Variants in NYAP2 observed in about 807,000 individuals in gnomAD.
NYAP2 encodes neuronal tyrosine-phosphorylated phosphoinositide-3-kinase adaptor 2.
Under a neutral mutation model 50.4 loss-of-function variants are expected in NYAP2, and 23 were observed. The ratio of observed to expected loss-of-function variants is 0.46; its 90% CI spans 0.33 to 0.65. The LOEUF is 0.65. NYAP2 is among the 30% of genes least tolerant of loss of function. The pLI is 0.02. For synonymous variants in NYAP2, 394 were observed against 365.2 expected, an observed-to-expected ratio of 1.08 and a Z score of -0.90; for missense variants, 885 against 861.0, an observed-to-expected ratio of 1.03 and a Z score of -0.35.
chr2:225,683,523 A>T, the NYAP2 span, among the ~76,000 whole-genome samples: 1 of 152,120 alleles, frequency 6.6e-6, no homozygotes, highest in Non-Finnish European at 1.5e-5. Flanking sequence ...TATTATCTTA[A>T]TGAGAAGTAA....
chr2:225,625,099 A>G (rs929642059), intron 5 of NYAP2, among the ~76,000 whole-genome samples: 4 of 143,606 alleles, frequency 2.8e-5, no homozygotes, highest in African/African-American at 1.0e-4. Flanking sequence ...CATTTCTGTG[A>G]TTTTCTAAAA....
chr2:225,501,107 C>T (rs1185727110), intron 3 of NYAP2, among the ~76,000 whole-genome samples: 3 of 152,178 alleles, frequency 2.0e-5, no homozygotes, highest in African/African-American at 7.2e-5. Flanking sequence ...ATGGCATCTG[C>T]CACTTCTTTG....
At chr2:225,447,969 G>A (rs1689588510) in intron 3 of NYAP2, among the ~76,000 whole-genome samples, 1 of 152,150 alleles carries the variant, frequency 6.6e-6, no homozygotes, top group African/African-American at 2.4e-5. Flanking sequence ...ACTCAGGTGG[G>A]GATTCCATTT....
chr2:225,504,111 C>T (rs776954614), intron 3 of NYAP2, among the ~76,000 whole-genome samples: 2 of 152,056 alleles, frequency 1.3e-5, no homozygotes, highest in Non-Finnish European at 2.9e-5. Context: ...TTTGTCCAGC[C>T]TCCTGTCATA....
exon 7 of NYAP2, chr2:225,651,738 T>A: frequency 1.4e-6 from 1 of 715,134 alleles, no homozygotes; most frequent in Non-Finnish European, 2.3e-6. Context: ...TCCTTGTGAT[T>A]GGTGGTGAAA....
intron 4 of NYAP2, among the ~76,000 whole-genome samples, chr2:225,542,440 T>G (rs1248156502): frequency 1.3e-5 from 2 of 152,138 alleles, no homozygotes; most frequent in African/African-American, 4.8e-5. Flanking sequence ...TGAAGTATGT[T>G]CCTTCTACAC....
At chr2:225,628,364 C>T (rs1170285398) in intron 6 of NYAP2, among the ~76,000 whole-genome samples, 1 of 147,056 alleles carries the variant, frequency 6.8e-6, no homozygotes, top group African/African-American at 2.5e-5. Flanking sequence ...TCTTGTTGCC[C>T]AGGCTGGAGT....
At chr2:225,415,202 A>G (rs1478821794) in intron 3 of NYAP2, among the ~76,000 whole-genome samples, 1 of 152,196 alleles carries the variant, frequency 6.6e-6, no homozygotes, top group Non-Finnish European at 1.5e-5. Flanking sequence ...TCCTTTAAAA[A>G]AATACATGCA....
intron 3 of NYAP2, among the ~76,000 whole-genome samples, chr2:225,425,196 C>T (rs1695269403): frequency 6.6e-6 from 1 of 152,138 alleles, no homozygotes; most frequent in Non-Finnish European, 1.5e-5. Context: ...CACACAGCTA[C>T]AAGAGAAGGA....
At chr2:225,516,867 A>G (rs982416557) in intron 4 of NYAP2, among the ~76,000 whole-genome samples, 2 of 152,184 alleles carry the variant, frequency 1.3e-5, no homozygotes, top group African/African-American at 4.8e-5. Flanking sequence ...AATAACTTTT[A>G]TAAATCTTAG....
At chr2:225,673,052 A>G in the NYAP2 span, among the ~76,000 whole-genome samples, 2 of 151,870 alleles carry the variant, frequency 1.3e-5, no homozygotes, top group Non-Finnish European at 2.9e-5. Context: ...ACAGTTCCGC[A>G]TGGCTGAGGA....
chr2:225,399,815 A>C (rs533964166), exon 1 of NYAP2: 5 of 152,116 alleles, frequency 3.3e-5, no homozygotes, highest in African/African-American at 1.2e-4. Context: ...GTTGTTGTTC[A>C]TTTTCATTAG....
At chr2:225,462,620 C>T (rs1165894628) in intron 3 of NYAP2, among the ~76,000 whole-genome samples, 2 of 152,146 alleles carry the variant, frequency 1.3e-5, no homozygotes, top group Non-Finnish European at 2.9e-5. Context: ...GGCCAGCTCC[C>T]AGGAAATGCA....
intron 3 of NYAP2, among the ~76,000 whole-genome samples, chr2:225,465,665 G>A (rs1255148787): frequency 3.3e-5 from 5 of 152,076 alleles, no homozygotes; most frequent in African/African-American, 9.7e-5. Flanking sequence ...GCAGTGAGCC[G>A]AGATCGCGCC....
chr2:225,609,973 G>A (rs1274833611), intron 5 of NYAP2, among the ~76,000 whole-genome samples: 1 of 152,090 alleles, frequency 6.6e-6, no homozygotes, highest in Non-Finnish European at 1.5e-5. Context: ...GTGTTACTGG[G>A]TAAGTCATAT....
chr2:225,470,463 G>C (rs1201048765), intron 3 of NYAP2, among the ~76,000 whole-genome samples: 1 of 152,176 alleles, frequency 6.6e-6, no homozygotes, highest in East Asian at 1.9e-4. Flanking sequence ...TGGCAGTCTG[G>C]CATATATGGT....
chr2:225,421,185 C>T (rs1453702691), intron 3 of NYAP2, among the ~76,000 whole-genome samples: 3 of 152,188 alleles, frequency 2.0e-5, no homozygotes, highest in African/African-American at 7.2e-5. Context: ...GCTGAGGAGA[C>T]AGGCATGAGT....
At chr2:225,556,685 AGTCTCTG>A (rs1361104729) in intron 4 of NYAP2, among the ~76,000 whole-genome samples, 1 of 152,218 alleles carries the variant, frequency 6.6e-6, no homozygotes, top group East Asian at 1.9e-4. Context: ...TAGTTTGTAC[AGTCTCTG>A]GTTGGCAGCT....
At chr2:225,498,079 C>T (rs1413007503) in intron 3 of NYAP2, among the ~76,000 whole-genome samples, 1 of 151,856 alleles carries the variant, frequency 6.6e-6, no homozygotes, top group Non-Finnish European at 1.5e-5. Flanking sequence ...CTATGTATTC[C>T]TTTTAATGTA....
Sources: gnomAD v4.1 joint callset for allele counts (sites outside exome capture counted in the v4.1 genomes callset) on GRCh38, gnomAD v4.1.1 for gene constraint, MANE v1.5 for transcripts, NCBI Gene and HGNC (gene_info 2026-07-23, HGNC 2026-07-21) for gene names.